The following LRRTM4 variants were observed in gnomAD, a reference collection of about 807,000 sequenced individuals.
The protein encoded by LRRTM4 is leucine-rich repeat transmembrane neuronal protein 4.
LRRTM4 carries 25 observed loss-of-function variants against 47.6 expected under a neutral mutation model. The observed-to-expected ratio is 0.53, with a 90% CI of 0.38 to 0.73. The LOEUF (loss-of-function observed/expected upper bound fraction) is 0.73. LRRTM4 is among the 30% of genes least tolerant of loss of function. The pLI, the probability that LRRTM4 is intolerant of heterozygous loss-of-function variation, is 0.00. For missense variants in LRRTM4, 638 were observed against 713.4 expected, an observed-to-expected ratio of 0.89 and a Z score of 1.20; for synonymous variants, 311 against 269.5, an observed-to-expected ratio of 1.15 and a Z score of -1.51.
intron 3 of LRRTM4, among the ~76,000 whole-genome samples, chr2:77,155,241 TA>T (rs1393745507): frequency 6.6e-6 from 1 of 152,010 alleles, no homozygotes; most frequent in African/African-American, 2.4e-5. Flanking sequence ...TATTCACAGA[TA>T]ATTGTTAAAT....
chr2:77,277,482 C>A (rs958103226), intron 3 of LRRTM4, among the ~76,000 whole-genome samples: 4 of 151,956 alleles, frequency 2.6e-5, no homozygotes, highest in Non-Finnish European at 5.9e-5. Flanking sequence ...TTTTCAAATA[C>A]TCAAGATATT....
intron 3 of LRRTM4, among the ~76,000 whole-genome samples, chr2:77,319,101 T>G (rs1343465481): frequency 6.6e-6 from 1 of 151,910 alleles, no homozygotes; most frequent in South Asian, 2.1e-4. Context: ...TAGCCAGCCC[T>G]GGGATGGGCG....
At chr2:76,995,450 C>T (rs991749939) in intron 3 of LRRTM4, among the ~76,000 whole-genome samples, 2 of 151,934 alleles carry the variant, frequency 1.3e-5, no homozygotes, top group Non-Finnish European at 2.9e-5. Flanking sequence ...TCTCAGTGAA[C>T]AAATGTTGAA....
At chr2:76,977,081 A>G (rs7556871) in intron 3 of LRRTM4, among the ~76,000 whole-genome samples, 58,804 of 151,066 alleles carry the variant, frequency 0.39, 13,389 homozygotes, top group African/African-American at 0.62. Context: ...CACTTTCAGC[A>G]AAACTCTTAC....
chr2:77,298,152 T>G (rs538256596), intron 3 of LRRTM4, among the ~76,000 whole-genome samples: 1 of 152,354 alleles, frequency 6.6e-6, no homozygotes, highest in East Asian at 1.9e-4. Flanking sequence ...TATGTCTGAA[T>G]CTATTATCAA....
chr2:77,458,308 G>T (rs1172563826), intron 3 of LRRTM4, among the ~76,000 whole-genome samples: 1 of 152,046 alleles, frequency 6.6e-6, no homozygotes, highest in African/African-American at 2.4e-5. Context: ...AGCCAGAAAG[G>T]GCAGAGACAT....
intron 3 of LRRTM4, among the ~76,000 whole-genome samples, chr2:76,966,000 A>G (rs1676011056): frequency 6.6e-6 from 1 of 151,424 alleles, no homozygotes; most frequent in Non-Finnish European, 1.5e-5. Flanking sequence ...AGATTTCCCA[A>G]CATCTACTCT....
intron 3 of LRRTM4, among the ~76,000 whole-genome samples, chr2:77,037,401 A>T (rs1485911792): frequency 6.6e-6 from 1 of 151,806 alleles, no homozygotes; most frequent in Non-Finnish European, 1.5e-5. Flanking sequence ...TCTGTGGGTC[A>T]CTATAGTTCT....
At chr2:76,979,193 TCCCAGAAGTG>T (rs1676514608) in intron 3 of LRRTM4, among the ~76,000 whole-genome samples, 1 of 151,960 alleles carries the variant, frequency 6.6e-6, no homozygotes, top group Admixed American at 6.6e-5. Context: ...TCTTGGGGAC[TCCCAGAAGTG>T]CTTCAAGGGT....
At chr2:77,369,584 T>A (rs1283396448) in intron 3 of LRRTM4, among the ~76,000 whole-genome samples, 2 of 151,784 alleles carry the variant, frequency 1.3e-5, no homozygotes, top group Non-Finnish European at 2.9e-5. Context: ...ATAGATATGT[T>A]AATTTGTTCC....
chr2:77,222,738 C>G lies in LRRTM4; in HGVS notation c.1551+295580G>C, dbSNP rs568099384. 1.1e-3 allele frequency among the ~76,000 whole-genome samples: 165 copies of G among 152,208 alleles called. 1 individual carries two copies. Among genetic ancestry groups the G allele is most frequent in the African/African-American group, 3.8e-3 (157 of 41,548 alleles). On this transcript the variant is annotated intron_variant, in intron 3 of 3. Coordinates refer to ENST00000409884, the MANE Select transcript of LRRTM4 (RefSeq NM_001134745.3). ...TAATAGCTTACCAACCAAAAAAATTCCAGGACCAGATGGATTCACAGCCGA... is the reference window on the plus strand; with the variant it reads ...TAATAGCTTACCAACCAAAAAAATTGCAGGACCAGATGGATTCACAGCCGA...
intron 3 of LRRTM4, among the ~76,000 whole-genome samples, chr2:77,427,431 T>C (rs1195395105): frequency 6.6e-6 from 1 of 152,242 alleles, no homozygotes; most frequent in Non-Finnish European, 1.5e-5. Context: ...ATTTACCCTT[T>C]ACCAAGTTAA....
chr2:77,380,145 A>G (rs1220075064), intron 3 of LRRTM4, among the ~76,000 whole-genome samples: 1 of 152,168 alleles, frequency 6.6e-6, no homozygotes, highest in East Asian at 1.9e-4. Flanking sequence ...CTTTACAACA[A>G]GGGCAACTAT....
chr2:76,935,010 T>C (rs1435463511), intron 3 of LRRTM4, among the ~76,000 whole-genome samples: 1 of 151,684 alleles, frequency 6.6e-6, no homozygotes, highest in Admixed American at 6.6e-5. Flanking sequence ...TAATTAAATA[T>C]GCTGATTATC....
At chr2:77,033,400 CATAA>C (rs1678728434) in intron 3 of LRRTM4, among the ~76,000 whole-genome samples, 1 of 149,960 alleles carries the variant, frequency 6.7e-6, no homozygotes, top group African/African-American at 2.5e-5. Context: ...ATAATTAGCT[CATAA>C]ATATGTAAGC....
chr2:77,392,327 A>G, intron 3 of LRRTM4, among the ~76,000 whole-genome samples: 1 of 151,864 alleles, frequency 6.6e-6, no homozygotes, highest in South Asian at 2.1e-4. Flanking sequence ...TAAAATGTAC[A>G]AAACTAAACT....
chr2:77,204,231 T>A (rs75400653), intron 3 of LRRTM4, among the ~76,000 whole-genome samples: 3,199 of 152,242 alleles, frequency 0.021, 145 homozygotes, highest in African/African-American at 0.072. Flanking sequence ...TGAAATACTG[T>A]GAGCTTCACT....
intron 3 of LRRTM4, among the ~76,000 whole-genome samples, chr2:77,334,167 C>A (rs116054393): frequency 0.023 from 3,546 of 152,208 alleles, 60 homozygotes; most frequent in South Asian, 0.045. Flanking sequence ...ATATTACAGA[C>A]TCAAAGCCAG....
chr2:77,057,578 C>A (rs1679650966), intron 3 of LRRTM4, among the ~76,000 whole-genome samples: 1 of 152,000 alleles, frequency 6.6e-6, no homozygotes, highest in Non-Finnish European at 1.5e-5. Flanking sequence ...CTTTTGATTT[C>A]AAGAAATTAA....
Sources: gnomAD v4.1 joint callset for allele counts (sites outside exome capture counted in the v4.1 genomes callset) on GRCh38, gnomAD v4.1.1 for gene constraint, MANE v1.5 for transcripts, NCBI Gene and HGNC (gene_info 2026-07-23, HGNC 2026-07-21) for gene names.